The following OSBPL10 variants were observed in gnomAD, a reference collection of about 807,000 sequenced individuals.
OSBPL10 encodes oxysterol binding protein like 10.
OSBPL10 carries 49 observed loss-of-function variants against 81.7 expected under a neutral mutation model. The observed-to-expected ratio is 0.60, with a 90% confidence interval of 0.48 to 0.76. The LOEUF (loss-of-function observed/expected upper bound fraction) is 0.76, where lower values mean the gene tolerates loss of function less well. OSBPL10 is among the 30% of genes least tolerant of loss of function. The pLI, the probability that OSBPL10 is intolerant of heterozygous loss-of-function variation, is 0.00. For missense variants in OSBPL10, 923 were observed against 987.8 expected (o/e 0.93, Z 0.88); for synonymous variants, 419 against 383.6 (o/e 1.09, Z -1.08).
chr3:31,962,442 T>A (rs1698195397), intron 1 of OSBPL10, among the ~76,000 whole-genome samples: 1 of 152,108 alleles, frequency 6.6e-6, no homozygotes, highest in Non-Finnish European at 1.5e-5. Flanking sequence ...CACAACAGTA[T>A]GAATATACTT....
At chr3:31,802,886 C>G (rs534030994) in intron 4 of OSBPL10, among the ~76,000 whole-genome samples, 1 of 152,006 alleles carries the variant, frequency 6.6e-6, no homozygotes, top group African/African-American at 2.4e-5. Context: ...AAGAGCCACC[C>G]AGTCAGCTCT....
At chr3:31,762,989 C>G (rs547423048) in intron 4 of OSBPL10, among the ~76,000 whole-genome samples, 88 of 152,196 alleles carry the variant, frequency 5.8e-4, no homozygotes, top group Middle Eastern at 3.4e-3. Context: ...TGGCCTTCCC[C>G]CTAGAAGAAA....
intron 2 of OSBPL10, among the ~76,000 whole-genome samples, chr3:32,043,040 C>G (rs1251141298): frequency 6.6e-6 from 1 of 152,150 alleles, no homozygotes; most frequent in South Asian, 2.1e-4. Flanking sequence ...CTCAAATTTA[C>G]TGGGGCGGGT....
intron 4 of OSBPL10, among the ~76,000 whole-genome samples, chr3:31,785,605 ACT>A (rs1698840918): frequency 6.6e-6 from 1 of 152,104 alleles, no homozygotes; most frequent in Non-Finnish European, 1.5e-5. Context: ...ATCGTGGGTG[ACT>A]CTGAACAAAC....
At chr3:31,678,986 C>T (rs1189998159) in intron 8 of OSBPL10, among the ~76,000 whole-genome samples, 1 of 152,102 alleles carries the variant, frequency 6.6e-6, no homozygotes, top group African/African-American at 2.4e-5. Context: ...TCAGAGCAAA[C>T]GGCAAAGACG....
chr3:31,690,899 A>C (rs544582091), intron 7 of OSBPL10, among the ~76,000 whole-genome samples: 1 of 140,530 alleles, frequency 7.1e-6, no homozygotes, highest in Non-Finnish European at 1.5e-5. Flanking sequence ...CCTCTCCTAC[A>C]ATCTCCTGGG....
chr3:31,741,412 A>G (rs747067353), intron 5 of OSBPL10, among the ~76,000 whole-genome samples: 6 of 152,122 alleles, frequency 3.9e-5, no homozygotes, highest in African/African-American at 1.4e-4. Flanking sequence ...CTACAGGCGC[A>G]TGCCACCACA....
chr3:31,822,864 T>C (rs1354262366), intron 4 of OSBPL10, among the ~76,000 whole-genome samples: 1 of 135,582 alleles, frequency 7.4e-6, no homozygotes, highest in South Asian at 2.4e-4. Flanking sequence ...CAATGAGTCA[T>C]GATTGATCTG....
At chr3:31,744,935 A>T (rs1165373954) in intron 5 of OSBPL10, among the ~76,000 whole-genome samples, 1 of 152,228 alleles carries the variant, frequency 6.6e-6, no homozygotes, top group African/African-American at 2.4e-5. Context: ...GCTGCAAGTT[A>T]CAATATAGGG....
chr3:31,989,700 T>C, intron 2 of OSBPL10: 1 of 1,613,954 alleles, frequency 6.2e-7, no homozygotes, highest in Non-Finnish European at 8.5e-7. Flanking sequence ...CTAATAACTA[T>C]GAAAATAATT....
At chr3:31,907,676 A>G (rs1265761145) in intron 1 of OSBPL10, among the ~76,000 whole-genome samples, 1 of 149,524 alleles carries the variant, frequency 6.7e-6, no homozygotes, top group African/African-American at 2.5e-5. Flanking sequence ...CCATTGTCTC[A>G]TAACTAGTTC....
chr3:32,053,158 C>CA (rs75092593), intron 1 of OSBPL10, among the ~76,000 whole-genome samples: 5,942 of 152,084 alleles, frequency 0.039, 319 homozygotes, highest in African/African-American at 0.12. Flanking sequence ...GGTTTTTCAC[C>CA]AAAAGTAAAA....
At chr3:31,697,302 C>T (rs1460640828) in intron 7 of OSBPL10, among the ~76,000 whole-genome samples, 1 of 152,140 alleles carries the variant, frequency 6.6e-6, no homozygotes, top group African/African-American at 2.4e-5. Context: ...CCAGCCAAGT[C>T]CAACTCACCA....
intron 4 of OSBPL10, among the ~76,000 whole-genome samples, chr3:31,767,885 G>T (rs906333218): frequency 1.3e-5 from 2 of 152,158 alleles, no homozygotes; most frequent in African/African-American, 4.8e-5. Context: ...CACATGGGTC[G>T]TTGGCTTCAT....
rs1700081099 is a variant in OSBPL10, at chr3:31,661,950, CTCA to C, written c.*119_*121del. The C allele has an allele frequency of 1.5e-6, 2 of 1,373,644 alleles. No individual in the cohort carries two copies. The highest frequency in any genetic ancestry group is 1.5e-5 in the African/African-American group (1 of 68,794). 85.1% of individuals were successfully genotyped at this position (1,373,644 alleles called of 1,614,324 possible). A position where few individuals can be genotyped will look rare whatever the true frequency, so the allele number is the denominator to read the frequency against. ...TTCATAGTATATAATTTCTCTCTCT[CTCA>C]TCATTTCTTGGATGCTAATACAAGG... On this transcript the variant is annotated 3_prime_UTR_variant, in exon 12 of 12. Coordinates refer to ENST00000396556, the MANE Select transcript of OSBPL10 (RefSeq NM_017784.5).
At chr3:32,071,671 G>T (rs371794168) in intron 1 of OSBPL10, among the ~76,000 whole-genome samples, 1 of 152,208 alleles carries the variant, frequency 6.6e-6, no homozygotes, top group Non-Finnish European at 1.5e-5. Context: ...ACTCTCTACA[G>T]TTCTCATAAC....
chr3:31,925,546 C>T (rs1051858961), intron 1 of OSBPL10, among the ~76,000 whole-genome samples: 7 of 151,526 alleles, frequency 4.6e-5, no homozygotes, highest in Admixed American at 3.3e-4. Context: ...GGCGCAGTGG[C>T]TCACGCCTGT....
intron 1 of OSBPL10, among the ~76,000 whole-genome samples, chr3:32,051,909 G>A (rs1464285535): frequency 6.6e-6 from 1 of 152,104 alleles, no homozygotes; most frequent in Non-Finnish European, 1.5e-5. Context: ...ATGCTTTTTA[G>A]TTCACATGAC....
intron 1 of OSBPL10, among the ~76,000 whole-genome samples, chr3:31,956,027 G>A (rs572202340): frequency 3.3e-5 from 5 of 152,358 alleles, no homozygotes; most frequent in African/African-American, 7.2e-5. Context: ...GAATTGGTTA[G>A]AGACAGGCTG....
Sources: gnomAD v4.1 joint callset for allele counts (sites outside exome capture counted in the v4.1 genomes callset) on GRCh38, gnomAD v4.1.1 for gene constraint, MANE v1.5 for transcripts, NCBI Gene and HGNC (gene_info 2026-07-23, HGNC 2026-07-21) for gene names.